APBB1IP: variants seen among roughly 807,000 people sequenced by gnomAD.
APBB1IP encodes the protein amyloid beta A4 precursor protein-binding family B member 1-interacting protein.
A neutral mutation model predicts 64.9 loss-of-function variants in APBB1IP; 27 were observed. The observed-to-expected ratio is 0.42, with a 90% CI of 0.31 to 0.57. APBB1IP has a LOEUF of 0.57. Ranked by LOEUF, APBB1IP falls within the 20% of genes least tolerant of loss-of-function variation. APBB1IP has a pLI of 0.20. For synonymous variants in APBB1IP, 392 were observed against 331.0 expected (o/e 1.18, Z -2.00); for missense variants, 812 against 845.5 (o/e 0.96, Z 0.49).
At chr10:26,500,353 G>T (rs563714754) in intron 4 of APBB1IP, among the ~76,000 whole-genome samples, 1 of 152,254 alleles carries the variant, frequency 6.6e-6, no homozygotes, top group African/African-American at 2.4e-5. Context: ...ATCCCCATTG[G>T]TTGAAATCCA....
At chr10:26,542,763 A>AG (rs1273061410) in intron 11 of APBB1IP, among the ~76,000 whole-genome samples, 22 of 131,268 alleles carry the variant, frequency 1.7e-4, no homozygotes, top group Non-Finnish European at 3.2e-4. Context: ...CAGATGTCCT[A>AG]GCCTTTTTTT....
intron 6 of APBB1IP, among the ~76,000 whole-genome samples, chr10:26,510,721 G>A (rs1020139837): frequency 7.0e-6 from 1 of 142,096 alleles, no homozygotes; most frequent in Admixed American, 7.0e-5. Flanking sequence ...AGGCAACAGA[G>A]CAAGACCCTG....
intron 11 of APBB1IP, among the ~76,000 whole-genome samples, chr10:26,543,594 A>G (rs1836724976): frequency 6.6e-6 from 1 of 152,062 alleles, no homozygotes; most frequent in Non-Finnish European, 1.5e-5. Context: ...AGTGGTGGGA[A>G]TGCGGCAATT....
intron 2 of APBB1IP, among the ~76,000 whole-genome samples, chr10:26,474,410 G>C (rs1835753455): frequency 6.6e-6 from 1 of 152,130 alleles, no homozygotes; most frequent in Non-Finnish European, 1.5e-5. Flanking sequence ...ACACTAATAT[G>C]CTCATGCTAA....
At chr10:26,442,052 G>A (rs576174870) in intron 2 of APBB1IP, among the ~76,000 whole-genome samples, 3 of 152,214 alleles carry the variant, frequency 2.0e-5, no homozygotes, top group South Asian at 4.1e-4. Context: ...AAAACCTGGG[G>A]CCTTTCCACA....
At chr10:26,459,356 C>T (rs4317881) in intron 2 of APBB1IP, among the ~76,000 whole-genome samples, 104,118 of 151,740 alleles carry the variant, frequency 0.69, 36,236 homozygotes, top group East Asian at 0.94. Flanking sequence ...ACATTTGGGT[C>T]GGTTCCAAGT....
At chr10:26,554,077 C>G (rs1466630235) in intron 11 of APBB1IP, among the ~76,000 whole-genome samples, 1 of 152,154 alleles carries the variant, frequency 6.6e-6, no homozygotes, top group Non-Finnish European at 1.5e-5. Flanking sequence ...CACCTTCTTC[C>G]CTAGCTCCAC....
At chr10:26,448,617 C>A (rs1835427588) in intron 2 of APBB1IP, among the ~76,000 whole-genome samples, 1 of 152,144 alleles carries the variant, frequency 6.6e-6, no homozygotes, top group South Asian at 2.1e-4. Context: ...ACAGCATTTG[C>A]AATTACTTTG....
intron 8 of APBB1IP, among the ~76,000 whole-genome samples, chr10:26,529,254 G>A (rs1007120983): frequency 3.9e-5 from 6 of 152,344 alleles, no homozygotes; most frequent in Non-Finnish European, 7.4e-5. Flanking sequence ...AGAACAGCCC[G>A]CATTGAGTGG....
intron 6 of APBB1IP, among the ~76,000 whole-genome samples, chr10:26,504,583 A>G (rs1304543871): frequency 6.6e-6 from 1 of 152,002 alleles, no homozygotes; most frequent in African/African-American, 2.4e-5. Context: ...AGCGGTGTGC[A>G]TCTGTAATCC....
rs940755062 is a variant in APBB1IP at position 26,496,487 on chromosome 10, C to A, written c.160+96C>A. On this transcript the variant is annotated intron_variant, in intron 4 of 14. Transcript: ENST00000376236. The stretch of plus-strand genomic sequence containing the variant: ...AATTTGAAAACTAAATTAAAGGAAC[C>A]TAAACATCATGATAAATATTGTTAA... The A allele has an allele frequency of 1.3e-5, 12 of 943,182 alleles. No homozygotes were observed. In the African/African-American group the frequency reaches 1.8e-4, roughly 14 times the overall value. 58.4% of individuals were successfully genotyped at this position (943,182 alleles called of 1,614,324 possible). A position where few individuals can be genotyped will look rare whatever the true frequency, so the allele number is the denominator to read the frequency against.
chr10:26,483,092 TAAA>T lies in APBB1IP; in HGVS notation c.1-9213_1-9211del, dbSNP rs35069320. On this transcript the variant is annotated intron_variant, in intron 2 of 14. Transcript: ENST00000376236. ...GCAACAAGAGCAAAACTCCATCTGA[TAAA>T]AAAAAAAAAAAAAAAAAAAAAGCAG... Among the ~76,000 whole-genome samples the T allele has an allele frequency of 7.2e-3, 487 of 67,186 alleles. 4 individuals are homozygous for T. The highest frequency in any genetic ancestry group is 0.027 in the African/African-American group (467 of 17,364). The allele number at this position is 67,186 out of a possible 152,430, so 44.1% of individuals were successfully genotyped here.
Position 26,500,957 on chromosome 10 carries a change from A to G in APBB1IP, c.299A>G (p.Gln100Arg). The change falls in exon 5 of 15, where the codon CAA (glutamine) becomes CGA (arginine). Residue 100 changes from glutamine to arginine, a missense_variant. Physicochemically the swap from Gln to Arg is conservative, Grantham distance 43. Coordinates refer to ENST00000376236, the MANE Select transcript of APBB1IP (RefSeq NM_019043.4). ...AATCAACATCATTCAGCATCTCTACAAGCATCAATTTTCAGTGGTGCAGCC... is the reference window on the plus strand; with the variant it reads ...AATCAACATCATTCAGCATCTCTACGAGCATCAATTTTCAGTGGTGCAGCC... ...LQNQHHSASL[Q>R]ASIFSGAASL... is the part of the protein sequence containing the mutation. 1 of 1,614,170 alleles carries G rather than the reference A, an allele frequency of 6.2e-7. No homozygotes were observed. The highest frequency in any genetic ancestry group is 8.5e-7 in the Non-Finnish European group (1 of 1,180,030).
chr10:26,444,473 C>T (rs918862616), intron 2 of APBB1IP, among the ~76,000 whole-genome samples: 2 of 152,000 alleles, frequency 1.3e-5, no homozygotes, highest in South Asian at 2.1e-4. Flanking sequence ...TTGGATTCTG[C>T]GTATATTTTG....
intron 8 of APBB1IP, among the ~76,000 whole-genome samples, chr10:26,519,291 CAAAAAGAA>C (rs1397464142): frequency 1.3e-5 from 2 of 151,668 alleles, no homozygotes; most frequent in African/African-American, 4.8e-5. Context: ...AACTCCATCT[CAAAAAGAA>C]AAAAAGAAAA....
At chr10:26,525,403 T>C (rs1463491791) in intron 8 of APBB1IP, among the ~76,000 whole-genome samples, 1 of 152,194 alleles carries the variant, frequency 6.6e-6, no homozygotes, top group Non-Finnish European at 1.5e-5. Context: ...TAGATGAATT[T>C]GTGTTGCTTT....
rs986185994 is a variant in APBB1IP at position 26,535,434 on chromosome 10, G to A, written c.901-640G>A. On this transcript the variant is annotated intron_variant, in intron 9 of 14. Transcript: ENST00000376236. ...GAGAATTGGGTATCCATCCTCTCAA[G>A]CATTTGTCCTTTGTATTACAAACAA... 9.9e-5 allele frequency among the ~76,000 whole-genome samples: 15 copies of A among 152,064 alleles called. No homozygotes were observed. The South Asian group carries it at 1.2e-3, about 13-fold the overall frequency.
chr10:26,560,942 G>A lies in APBB1IP; in HGVS notation c.1369+98G>A, dbSNP rs936206065. ...CTATACAAACAGGACTTTGTACACAGCATTCAGAATATGTTTCTCACCTGA... is the reference window on the plus strand; with the variant it reads ...CTATACAAACAGGACTTTGTACACAACATTCAGAATATGTTTCTCACCTGA... On this transcript the variant is annotated intron_variant, in intron 13 of 14. Transcript: ENST00000376236. The A allele has an allele frequency of 3.7e-6, 3 of 811,384 alleles. No homozygotes were observed. The African/African-American group carries it at 5.2e-5, about 14-fold the overall frequency. 50.3% of individuals were successfully genotyped at this position (811,384 alleles called of 1,614,324 possible).
intron 2 of APBB1IP, among the ~76,000 whole-genome samples, chr10:26,483,124 A>G (rs1835855803): frequency 6.6e-6 from 1 of 150,844 alleles, no homozygotes; most frequent in African/African-American, 2.4e-5. Context: ...AAAGCAGTCA[A>G]TACTAGGATA....
Sources: allele counts gnomAD v4.1 joint callset (sites outside exome capture counted in the v4.1 genomes callset), GRCh38; gene constraint gnomAD v4.1.1; transcripts MANE v1.5; gene names NCBI Gene and HGNC (gene_info 2026-07-23, HGNC 2026-07-21).